The following TRPC4 variants were observed in gnomAD, a reference collection of about 807,000 sequenced individuals.
TRPC4 encodes the protein transient receptor potential cation channel subfamily C member 4.
Under a neutral mutation model 99.4 loss-of-function variants are expected in TRPC4, and 49 were observed. That is an observed-to-expected ratio of 0.49 (90% CI 0.39 to 0.63). The LOEUF is 0.63. Among genes scored for constraint, TRPC4 ranks in the 20% least tolerant of loss-of-function variants. TRPC4 has a pLI of 0.00. For synonymous variants in TRPC4, 454 were observed against 425.9 expected, an observed-to-expected ratio of 1.07 and a Z score of -0.81; for missense variants, 898 against 1,152.9, an observed-to-expected ratio of 0.78 and a Z score of 3.20.
intron 1 of TRPC4, among the ~76,000 whole-genome samples, chr13:37,821,829 T>G (rs1185600022): frequency 1.3e-5 from 2 of 152,152 alleles, no homozygotes; most frequent in Non-Finnish European, 2.9e-5. Flanking sequence ...GATTAAAGAC[T>G]TAAATGTAAA....
At chr13:37,753,575 A>AGAGAAAGAG (rs1566145348) in intron 2 of TRPC4, among the ~76,000 whole-genome samples, 2 of 137,250 alleles carry the variant, frequency 1.5e-5, no homozygotes, top group Non-Finnish European at 3.1e-5. Context: ...GAGAGAGAGA[A>AGAGAAAGAG]AGAGAGAGAG....
chr13:37,668,826 C>A (rs1952739010), intron 5 of TRPC4, among the ~76,000 whole-genome samples: 1 of 152,090 alleles, frequency 6.6e-6, no homozygotes, highest in Non-Finnish European at 1.5e-5. Context: ...ATGGTGAAAT[C>A]TTTTCCCTTT....
chr13:37,655,106 A>G lies in TRPC4; in HGVS notation c.1866T>C (p.Asn622=), dbSNP rs761805749. The change falls in exon 7 of 11, where the codon AAT becomes AAC. Residue 622 remains asparagine, a synonymous_variant. Transcript: ENST00000379705. ...LLNMLIAMMN[N]SYQLIADHAD... ...AACTTACAGCAATCAGTTGGTAAGA[A>G]TTATTCATCATAGCTATTAACATGT... The G allele has an allele frequency of 1.3e-6, 2 of 1,570,406 alleles. No individual in the cohort carries two copies. Among genetic ancestry groups the G allele is most frequent in the Non-Finnish European group, 1.7e-6 (2 of 1,156,570 alleles).
At chr13:37,818,699 G>C (rs1357439064) in intron 1 of TRPC4, among the ~76,000 whole-genome samples, 1 of 152,052 alleles carries the variant, frequency 6.6e-6, no homozygotes, top group East Asian at 1.9e-4. Context: ...ACTAATGCAG[G>C]AACAGAAAAC....
intron 2 of TRPC4, among the ~76,000 whole-genome samples, chr13:37,769,446 T>C (rs990990443): frequency 9.2e-5 from 14 of 151,572 alleles, no homozygotes; most frequent in African/African-American, 3.1e-4. Context: ...TATTATTCTA[T>C]GGGATTAACT....
chr13:37,863,178 G>T (rs1250590446), intron 1 of TRPC4, among the ~76,000 whole-genome samples: 1 of 151,452 alleles, frequency 6.6e-6, no homozygotes, highest in Non-Finnish European at 1.5e-5. Context: ...TTCTCAGGAC[G>T]TATTTGATGT....
At chr13:37,786,724 A>T (rs533749881) in intron 1 of TRPC4, among the ~76,000 whole-genome samples, 1 of 152,206 alleles carries the variant, frequency 6.6e-6, no homozygotes, top group South Asian at 2.1e-4. Context: ...TTCTTCCCCC[A>T]TGAGACTGCA....
At chr13:37,794,568 C>T (rs1374099904) in intron 1 of TRPC4, among the ~76,000 whole-genome samples, 1 of 152,104 alleles carries the variant, frequency 6.6e-6, no homozygotes, top group Non-Finnish European at 1.5e-5. Flanking sequence ...ATTCAATAAC[C>T]AGATGGGTAG....
At chr13:37,864,566 A>T (rs1959613390) in intron 1 of TRPC4, among the ~76,000 whole-genome samples, 1 of 151,740 alleles carries the variant, frequency 6.6e-6, no homozygotes, top group African/African-American at 2.4e-5. Flanking sequence ...TACATTAATT[A>T]TGTCAATTAT....
chr13:37,741,079 A>C (rs958393066), intron 3 of TRPC4, among the ~76,000 whole-genome samples: 2 of 152,196 alleles, frequency 1.3e-5, no homozygotes, highest in Admixed American at 1.3e-4. Context: ...TTGAATTGTA[A>C]TGTTTTTAGA....
chr13:37,839,891 A>C (rs2139632394), intron 1 of TRPC4, among the ~76,000 whole-genome samples: 1 of 152,282 alleles, frequency 6.6e-6, no homozygotes, highest in East Asian at 1.9e-4. Context: ...TGTTAACCCT[A>C]ATATTCCATC....
chr13:37,853,401 C>T (rs1468916748), intron 1 of TRPC4, among the ~76,000 whole-genome samples: 3 of 152,156 alleles, frequency 2.0e-5, no homozygotes, highest in Non-Finnish European at 2.9e-5. Flanking sequence ...TGATATTGGG[C>T]TTGCGGCCCA....
intron 1 of TRPC4, among the ~76,000 whole-genome samples, chr13:37,819,958 A>C (rs116465627): frequency 0.011 from 1,620 of 152,082 alleles, 21 homozygotes; most frequent in African/African-American, 0.037. Context: ...GAGATGAACC[A>C]AAGGAAATTG....
intron 1 of TRPC4, among the ~76,000 whole-genome samples, chr13:37,848,030 C>CA (rs1301868010): frequency 1.3e-5 from 2 of 152,214 alleles, no homozygotes; most frequent in Admixed American, 1.3e-4. Flanking sequence ...CTACAACTTA[C>CA]AATGGTTCAA....
chr13:37,855,125 AT>A (rs1339827462), intron 1 of TRPC4, among the ~76,000 whole-genome samples: 1 of 151,868 alleles, frequency 6.6e-6, no homozygotes, highest in Non-Finnish European at 1.5e-5. Context: ...TAGACTGAAA[AT>A]AAAGGGTTGG....
rs1292828503 is a variant in TRPC4, at chr13:37,632,418, G to A, written c.*4485C>T. On this transcript the variant is annotated 3_prime_UTR_variant, in exon 11 of 11. Coordinates refer to ENST00000379705, the MANE Select transcript of TRPC4 (RefSeq NM_016179.4). ...ATTTTCATACTGTCCTAGAAATCTG[G>A]TGTGTGTTTCACACTTACAGCACAT... Among the ~76,000 whole-genome samples, 1 of 152,128 alleles carries A rather than the reference G, an allele frequency of 6.6e-6. No individual in the cohort carries two copies. Among genetic ancestry groups the A allele is most frequent in the East Asian group, 1.9e-4 (1 of 5,198 alleles).
chr13:37,866,378 A>G (rs1273341524), intron 1 of TRPC4, among the ~76,000 whole-genome samples: 1 of 151,764 alleles, frequency 6.6e-6, no homozygotes, highest in Non-Finnish European at 1.5e-5. Flanking sequence ...AAGTTCTGAA[A>G]CTATTTCTTT....
At chr13:37,692,592 G>A (rs1593525201) in intron 3 of TRPC4, among the ~76,000 whole-genome samples, 1 of 152,274 alleles carries the variant, frequency 6.6e-6, no homozygotes, top group South Asian at 2.1e-4. Flanking sequence ...ACTTGAGGAA[G>A]CAAAAATAGA....
intron 1 of TRPC4, among the ~76,000 whole-genome samples, chr13:37,798,941 T>A (rs927772103): frequency 6.6e-6 from 1 of 151,718 alleles, no homozygotes; most frequent in Non-Finnish European, 1.5e-5. Flanking sequence ...ATCTTTTTTT[T>A]TTTTTTTTGA....
Sources: allele counts gnomAD v4.1 joint callset (sites outside exome capture counted in the v4.1 genomes callset), GRCh38; gene constraint gnomAD v4.1.1; transcripts MANE v1.5; gene names NCBI Gene and HGNC (gene_info 2026-07-23, HGNC 2026-07-21).